The following SGCD variants were observed in gnomAD, a reference collection of about 807,000 sequenced individuals.
SGCD encodes delta-sarcoglycan.
SGCD carries 18 observed loss-of-function variants against 36.6 expected under a neutral mutation model. The ratio of observed to expected loss-of-function variants is 0.49; its 90% CI spans 0.34 to 0.73. The LOEUF (loss-of-function observed/expected upper bound fraction) is 0.73. Ranked by LOEUF, SGCD falls within the 30% of genes least tolerant of loss-of-function variation. The probability of loss-of-function intolerance (pLI) is 0.01; values close to 1 mark genes in which losing one functional copy is unlikely to be tolerated. For synonymous variants in SGCD, 133 were observed against 130.6 expected, an observed-to-expected ratio of 1.02 and a Z score of -0.12; for missense variants, 387 against 346.7, an observed-to-expected ratio of 1.12 and a Z score of -0.92.
intron 6 of SGCD, among the ~76,000 whole-genome samples, chr5:156,622,493 A>G (rs1254313282): frequency 6.7e-6 from 1 of 148,364 alleles, no homozygotes; most frequent in Admixed American, 6.8e-5. Flanking sequence ...AGGGAAGGAA[A>G]GTCATATCTT....
chr5:155,795,627 A>G, the SGCD span, among the ~76,000 whole-genome samples: 1 of 152,156 alleles, frequency 6.6e-6, no homozygotes, highest in Admixed American at 6.5e-5. Flanking sequence ...GAATGATAAA[A>G]TGGTGTATAT....
At chr5:155,870,118 T>C (rs1315877187), upstream of SGCD, among the ~76,000 whole-genome samples, 1 of 152,170 alleles carries the variant, frequency 6.6e-6, no homozygotes, top group Non-Finnish European at 1.5e-5. Flanking sequence ...AAATATGAAC[T>C]CAGGCAGTGT....
chr5:156,717,175 T>C (rs769266012), intron 7 of SGCD, among the ~76,000 whole-genome samples: 6 of 152,222 alleles, frequency 3.9e-5, no homozygotes, highest in Non-Finnish European at 7.4e-5. Context: ...CTGTGCTGGC[T>C]TTAACTGGGT....
chr5:156,039,294 G>A (rs1007996809), intron 1 of SGCD, among the ~76,000 whole-genome samples: 2 of 151,888 alleles, frequency 1.3e-5, no homozygotes, highest in Non-Finnish European at 2.9e-5. Flanking sequence ...ATTTCTAACT[G>A]ACAATATTGA....
intron 3 of SGCD, among the ~76,000 whole-genome samples, chr5:156,180,484 G>A (rs4626322): frequency 0.34 from 50,953 of 151,916 alleles, 9,277 homozygotes; most frequent in East Asian, 0.57. Context: ...AATTCCTATA[G>A]TAAGTAATTT....
At chr5:156,039,452 T>G (rs960171065) in intron 1 of SGCD, among the ~76,000 whole-genome samples, 3 of 149,088 alleles carry the variant, frequency 2.0e-5, no homozygotes, top group African/African-American at 7.8e-5. Context: ...GAGGTTTTGT[T>G]TTTGCATGAT....
intron 3 of SGCD, among the ~76,000 whole-genome samples, chr5:156,221,681 T>C (rs1410602483): frequency 6.6e-6 from 1 of 152,116 alleles, no homozygotes; most frequent in Non-Finnish European, 1.5e-5. Flanking sequence ...GGAGATTTGT[T>C]GTATTATTGG....
intron 7 of SGCD, among the ~76,000 whole-genome samples, chr5:156,648,956 G>A (rs949819245): frequency 6.6e-6 from 1 of 152,088 alleles, no homozygotes; most frequent in Admixed American, 6.6e-5. Flanking sequence ...GTAGAAGCAC[G>A]TTTCTTACAG....
the SGCD span, among the ~76,000 whole-genome samples, chr5:155,790,556 A>G: frequency 6.6e-6 from 1 of 152,126 alleles, no homozygotes; most frequent in African/African-American, 2.4e-5. Context: ...TAGTAAAAAT[A>G]TCAGTGACTC....
intron 3 of SGCD, among the ~76,000 whole-genome samples, chr5:156,408,442 T>G (rs1219559533): frequency 6.6e-6 from 1 of 150,804 alleles, no homozygotes; most frequent in Non-Finnish European, 1.5e-5. Context: ...CACTACAACC[T>G]CTGCCTCCTG....
chr5:156,233,466 CG>C (rs1765073843), intron 3 of SGCD, among the ~76,000 whole-genome samples: 1 of 152,090 alleles, frequency 6.6e-6, no homozygotes, highest in Non-Finnish European at 1.5e-5. Context: ...ACTAAAAGCT[CG>C]GGTATTTAGT....
chr5:156,377,671 G>A (rs560631590), intron 3 of SGCD, among the ~76,000 whole-genome samples: 3 of 152,094 alleles, frequency 2.0e-5, no homozygotes, highest in African/African-American at 7.2e-5. Flanking sequence ...GTACTGGTGG[G>A]TTCCAGCATT....
intron 3 of SGCD, among the ~76,000 whole-genome samples, chr5:156,284,425 A>G (rs531046776): frequency 6.6e-6 from 1 of 152,240 alleles, no homozygotes; most frequent in Non-Finnish European, 1.5e-5. Flanking sequence ...AATCCTCAAT[A>G]GAATACTGGC....
intron 3 of SGCD, among the ~76,000 whole-genome samples, chr5:156,378,309 G>A (rs1452204308): frequency 6.6e-6 from 1 of 152,158 alleles, no homozygotes; most frequent in Non-Finnish European, 1.5e-5. Flanking sequence ...TGCTAGAGAA[G>A]GAAAGTAGAA....
At chr5:156,656,296 G>A (rs921639053) in intron 7 of SGCD, among the ~76,000 whole-genome samples, 1 of 152,070 alleles carries the variant, frequency 6.6e-6, no homozygotes, top group African/African-American at 2.4e-5. Flanking sequence ...GAATACAACA[G>A]AAATGTCACC....
At chr5:155,768,933 C>G in the SGCD span, among the ~76,000 whole-genome samples, 1 of 152,066 alleles carries the variant, frequency 6.6e-6, no homozygotes. Context: ...AAGAGACAAC[C>G]AAATTGCTGC....
chr5:155,963,393 C>T (rs1449470328), intron 1 of SGCD, among the ~76,000 whole-genome samples: 2 of 152,074 alleles, frequency 1.3e-5, no homozygotes, highest in East Asian at 3.9e-4. Context: ...GTTATAACTG[C>T]AGGATTAAAA....
intron 7 of SGCD, among the ~76,000 whole-genome samples, chr5:156,708,056 T>C (rs1364410403): frequency 6.6e-6 from 1 of 152,156 alleles, no homozygotes; most frequent in Non-Finnish European, 1.5e-5. Context: ...GATTAAGTCT[T>C]GTGGTGCTAG....
At chr5:155,740,903 G>A in the SGCD span, among the ~76,000 whole-genome samples, 7,134 of 152,282 alleles carry the variant, frequency 0.047, 367 homozygotes, top group African/African-American at 0.12. Flanking sequence ...TGAGCCAAAT[G>A]TGAGGACCAC....
Sources: allele counts gnomAD v4.1 joint callset (sites outside exome capture counted in the v4.1 genomes callset), GRCh38; gene constraint gnomAD v4.1.1; transcripts MANE v1.5; gene names NCBI Gene and HGNC (gene_info 2026-07-23, HGNC 2026-07-21).